TMOD3: variants seen among roughly 807,000 people sequenced by gnomAD.
TMOD3 encodes tropomodulin 3, also known as tropomodulin-3.
A neutral mutation model predicts 39.2 loss-of-function variants in TMOD3; 20 were observed. That is an observed-to-expected ratio of 0.51 (90% CI 0.36 to 0.74). TMOD3 has a LOEUF of 0.74. Among genes scored for constraint, TMOD3 ranks in the 30% least tolerant of loss-of-function variants. The pLI, the probability that TMOD3 is intolerant of heterozygous loss-of-function variation, is 0.00. For missense variants in TMOD3, 381 were observed against 412.8 expected (o/e 0.92, Z 0.67); for synonymous variants, 143 against 145.8 (o/e 0.98, Z 0.14).
intron 5 of TMOD3, among the ~76,000 whole-genome samples, chr15:51,893,003 A>G (rs137993323): frequency 2.4e-4 from 37 of 152,162 alleles, no homozygotes; most frequent in African/African-American, 8.9e-4. Flanking sequence ...GGTGCTTTAA[A>G]TATGTGTCAA....
intron 1 of TMOD3, among the ~76,000 whole-genome samples, chr15:51,853,250 G>T (rs2056371415): frequency 6.6e-6 from 1 of 152,156 alleles, no homozygotes; most frequent in Non-Finnish European, 1.5e-5. Context: ...CACCCAGGCT[G>T]GAGTGCAATG....
Position 51,910,747 on chromosome 15 carries a change from T to G in TMOD3, c.*1937T>G, listed in dbSNP as rs1457051922. 2 of 152,024 alleles carry G rather than the reference T, an allele frequency of 1.3e-5. No homozygotes were observed. The highest frequency in any genetic ancestry group is 2.9e-5 in the Non-Finnish European group (2 of 68,062). The allele number at this position is 152,024 out of a possible 1,614,324, so 9.4% of individuals were successfully genotyped here. On this transcript the variant is annotated 3_prime_UTR_variant, in exon 10 of 10. Coordinates refer to ENST00000308580, the MANE Select transcript of TMOD3 (RefSeq NM_014547.5). ...TAAGAACTGTGGTGTTTCTCTTTTTTTTTTTTTGTTTTGGTTTGTTTTGGT... is the reference window on the plus strand; with the variant it reads ...TAAGAACTGTGGTGTTTCTCTTTTTGTTTTTTTGTTTTGGTTTGTTTTGGT...
intron 3 of TMOD3, among the ~76,000 whole-genome samples, chr15:51,880,532 ACTTT>A (rs1392285177): frequency 1.2e-4 from 18 of 152,154 alleles, no homozygotes; most frequent in Non-Finnish European, 1.6e-4. Flanking sequence ...CCACTAAGCA[ACTTT>A]CTTTCTGGAT....
intron 1 of TMOD3, chr15:51,835,190 T>G (rs2056276379): frequency 6.6e-6 from 1 of 152,230 alleles, no homozygotes; most frequent in African/African-American, 2.4e-5. Context: ...CAAGGAAAGA[T>G]CACCTAGGAC....
chr15:51,878,376 A>G (rs986211744), intron 3 of TMOD3, among the ~76,000 whole-genome samples: 41 of 147,428 alleles, frequency 2.8e-4, no homozygotes, highest in East Asian at 9.9e-4. Flanking sequence ...TTTAAAATAT[A>G]TGTGTGTGTG....
At chr15:51,887,448 CTA>C (rs2056570764) in intron 3 of TMOD3, 139 bp from the exon 4 acceptor site, 2 of 889,062 alleles carry the variant, frequency 2.2e-6, no homozygotes, top group African/African-American at 1.7e-5. Context: ...ACTTAAAAAT[CTA>C]TGTCAGAGAT....
At chr15:51,906,755 T>G (rs1230755999) in intron 9 of TMOD3, among the ~76,000 whole-genome samples, 1 of 152,204 alleles carries the variant, frequency 6.6e-6, no homozygotes, top group Non-Finnish European at 1.5e-5. Flanking sequence ...GCGCAGTGGC[T>G]CACGCCTGTA....
chr15:51,872,626 T>C (rs1270356592), intron 3 of TMOD3, among the ~76,000 whole-genome samples: 2 of 149,518 alleles, frequency 1.3e-5, no homozygotes, highest in Non-Finnish European at 3.0e-5. Flanking sequence ...GTTTGGTTTT[T>C]AGAGATGAGG....
At chr15:51,895,405 A>AG (rs200081213) in intron 6 of TMOD3, among the ~76,000 whole-genome samples, 1,976 of 152,076 alleles carry the variant, frequency 0.013, 27 homozygotes, top group Middle Eastern at 0.024. Flanking sequence ...TTTTTAGTAG[A>AG]GATGGGGTTT....
At chr15:51,842,025 C>G (rs767851719) in intron 1 of TMOD3, among the ~76,000 whole-genome samples, 6 of 152,242 alleles carry the variant, frequency 3.9e-5, no homozygotes, top group Non-Finnish European at 7.3e-5. Context: ...ATCCACCCAC[C>G]TTGGCCTCCC....
intron 4 of TMOD3, among the ~76,000 whole-genome samples, chr15:51,888,218 A>C (rs1254671767): frequency 1.3e-5 from 2 of 152,202 alleles, no homozygotes; most frequent in African/African-American, 4.8e-5. Flanking sequence ...TCTTATCTAG[A>C]CCAGTATCTT....
intron 1 of TMOD3, among the ~76,000 whole-genome samples, chr15:51,853,887 A>C (rs1257686863): frequency 6.6e-6 from 1 of 152,058 alleles, no homozygotes; most frequent in Admixed American, 6.6e-5. Flanking sequence ...TTTTCAGGGA[A>C]GATAGGACAT....
chr15:51,832,203 T>TTATATTTATATATATATATATATA (rs2056259060), intron 1 of TMOD3, among the ~76,000 whole-genome samples: 1 of 79,350 alleles, frequency 1.3e-5, no homozygotes, highest in African/African-American at 4.1e-5. Flanking sequence ...AGAAAAAAAA[T>TTATATTTATATATATATATATATA]TATATATATA....
chr15:51,835,347 G>A (rs2056277145), intron 1 of TMOD3, among the ~76,000 whole-genome samples: 1 of 152,214 alleles, frequency 6.6e-6, no homozygotes, highest in South Asian at 2.1e-4. Flanking sequence ...TTGTCACCCA[G>A]TTTGGAGTGC....
intron 1 of TMOD3, among the ~76,000 whole-genome samples, chr15:51,847,395 AGGTTGATTAGTTTCCAT>A (rs2056341121): frequency 6.6e-6 from 1 of 152,242 alleles, no homozygotes; most frequent in African/African-American, 2.4e-5. Context: ...AGGGCTACTT[AGGTTGATTAGTTTCCAT>A]GGGACTTTTA....
chr15:51,840,000 T>G (rs1381405558), intron 1 of TMOD3, among the ~76,000 whole-genome samples: 1 of 152,168 alleles, frequency 6.6e-6, no homozygotes, highest in African/African-American at 2.4e-5. Flanking sequence ...ATTACTTTAT[T>G]TTATGTTAAT....
chr15:51,832,286 A>T (rs1219648663), intron 1 of TMOD3, among the ~76,000 whole-genome samples: 1 of 145,418 alleles, frequency 6.9e-6, no homozygotes, highest in East Asian at 2.0e-4. Context: ...AGGCAGATAT[A>T]CTTATGTATA....
At chr15:51,881,841 T>C (rs1310014314) in intron 3 of TMOD3, among the ~76,000 whole-genome samples, 1 of 152,078 alleles carries the variant, frequency 6.6e-6, no homozygotes, top group Non-Finnish European at 1.5e-5. Flanking sequence ...TATAATCTTA[T>C]GTTTTTTCCT....
At position 51,900,277 on chromosome 15, in the gene TMOD3, A is replaced by G; in HGVS notation, c.858A>G (p.Ala286=). The change falls in exon 8 of 10, where the codon GCA becomes GCG. Residue 286 remains alanine, a synonymous_variant. Transcript: ENST00000308580. ...IDALRDNETL[A]ELKIDNQRQQ... ...CGTTAAGAGATAATGAAACCCTGGC[A>G]GAGCTCAAGATTGACAATCAGGTCA... 6.2e-7 allele frequency: 1 copy of G among 1,614,164 alleles called. No individual in the cohort carries two copies. Among genetic ancestry groups the G allele is most frequent in the Non-Finnish European group, 8.5e-7 (1 of 1,180,014 alleles).
Sources: gnomAD v4.1 joint callset for allele counts (sites outside exome capture counted in the v4.1 genomes callset) on GRCh38, gnomAD v4.1.1 for gene constraint, MANE v1.5 for transcripts, NCBI Gene and HGNC (gene_info 2026-07-23, HGNC 2026-07-21) for gene names.